AGMO: variants seen among roughly 807,000 people sequenced by gnomAD.
AGMO encodes glyceryl-ether monooxygenase.
Under a neutral mutation model 60.2 loss-of-function variants are expected in AGMO, and 75 were observed. The observed-to-expected ratio is 1.25, with a 90% CI of 1.03 to 1.51. The LOEUF is 1.51. AGMO is among the 40% of genes most tolerant of loss of function. The pLI is 0.00. For synonymous variants in AGMO, 261 were observed against 177.1 expected, an observed-to-expected ratio of 1.47 and a Z score of -3.76; for missense variants, 763 against 525.5, an observed-to-expected ratio of 1.45 and a Z score of -4.42.
intron 12 of AGMO, among the ~76,000 whole-genome samples, chr7:15,303,364 A>G (rs892618889): frequency 1.6e-4 from 25 of 152,150 alleles, no homozygotes; most frequent in Non-Finnish European, 2.5e-4. Flanking sequence ...CTTTTTTAAC[A>G]TAGAAAAATA....
chr7:15,393,306 T>TA (rs1464577728), intron 6 of AGMO, among the ~76,000 whole-genome samples: 1 of 152,200 alleles, frequency 6.6e-6, no homozygotes, highest in Non-Finnish European at 1.5e-5. Context: ...ACTGGAAACT[T>TA]ATAGAAACAG....
intron 12 of AGMO, among the ~76,000 whole-genome samples, chr7:15,309,298 A>G (rs948201416): frequency 2.0e-5 from 3 of 152,150 alleles, no homozygotes; most frequent in African/African-American, 7.2e-5. Context: ...CCATAGGAGT[A>G]CATCTCCAAA....
intron 5 of AGMO, among the ~76,000 whole-genome samples, chr7:15,397,991 T>G (rs2128488676): frequency 6.6e-6 from 1 of 152,320 alleles, no homozygotes; most frequent in African/African-American, 2.4e-5. Context: ...TGGGGGATCC[T>G]CAGCAGTCAG....
chr7:15,362,758 C>T (rs1243841528), intron 12 of AGMO, among the ~76,000 whole-genome samples: 2 of 152,168 alleles, frequency 1.3e-5, no homozygotes, highest in Non-Finnish European at 1.5e-5. Flanking sequence ...ATTATTCAAA[C>T]CACGTGTCTT....
intron 12 of AGMO, among the ~76,000 whole-genome samples, chr7:15,321,416 T>C (rs562519323): frequency 2.0e-5 from 3 of 152,252 alleles, no homozygotes; most frequent in South Asian, 2.1e-4. Flanking sequence ...ATAGTGAGAA[T>C]CTGTTGGTGG....
the AGMO span, among the ~76,000 whole-genome samples, chr7:15,155,453 T>C: frequency 8.4e-6 from 1 of 119,610 alleles, no homozygotes; most frequent in African/African-American, 2.8e-5. Context: ...TTTTTTTGCA[T>C]TCTGAAATTC....
chr7:15,135,387 A>T, the AGMO span, among the ~76,000 whole-genome samples: 4,233 of 152,224 alleles, frequency 0.028, 78 homozygotes, highest in Non-Finnish European at 0.041. Flanking sequence ...TCACCTCTCA[A>T]ATTAGCATCC....
chr7:15,235,770 T>G (rs1237976679), intron 12 of AGMO, among the ~76,000 whole-genome samples: 1 of 152,182 alleles, frequency 6.6e-6, no homozygotes, highest in Non-Finnish European at 1.5e-5. Context: ...TAACTCTCTT[T>G]GGATAGAAGA....
intron 3 of AGMO, among the ~76,000 whole-genome samples, chr7:15,517,833 C>T (rs1583636946): frequency 6.6e-6 from 1 of 152,134 alleles, no homozygotes; most frequent in Non-Finnish European, 1.5e-5. Context: ...CTGCTCACTT[C>T]CCTGGAAAGG....
chr7:15,233,349 C>T (rs1442041397), intron 12 of AGMO, among the ~76,000 whole-genome samples: 1 of 152,144 alleles, frequency 6.6e-6, no homozygotes, highest in Non-Finnish European at 1.5e-5. Flanking sequence ...ACACTCACTT[C>T]CTGGAGTCAC....
the AGMO span, among the ~76,000 whole-genome samples, chr7:15,167,736 G>A: frequency 6.6e-6 from 1 of 152,078 alleles, no homozygotes; most frequent in Non-Finnish European, 1.5e-5. Context: ...TCAGTGCTTT[G>A]GCATCATCAA....
the AGMO span, among the ~76,000 whole-genome samples, chr7:15,149,331 C>A: frequency 1.3e-5 from 2 of 152,060 alleles, no homozygotes; most frequent in South Asian, 2.1e-4. Flanking sequence ...TTAGGCCCCA[C>A]TTATCTATTT....
chr7:15,178,626 T>A, the AGMO span, among the ~76,000 whole-genome samples: 3 of 152,280 alleles, frequency 2.0e-5, no homozygotes, highest in Admixed American at 2.0e-4. Context: ...TGGCTGTATG[T>A]ACTTGGTACA....
chr7:15,171,564 A>G, the AGMO span, among the ~76,000 whole-genome samples: 1 of 152,200 alleles, frequency 6.6e-6, no homozygotes, highest in Non-Finnish European at 1.5e-5. Flanking sequence ...ATTATTCTGC[A>G]TGGGGGAATT....
chr7:15,312,145 C>G (rs2128532474), intron 12 of AGMO, among the ~76,000 whole-genome samples: 1 of 151,966 alleles, frequency 6.6e-6, no homozygotes, highest in East Asian at 1.9e-4. Context: ...GAAAGTCTAA[C>G]AAACATGTAA....
chr7:15,557,174 CACA>C (rs767466179), intron 2 of AGMO, among the ~76,000 whole-genome samples: 6 of 152,000 alleles, frequency 3.9e-5, no homozygotes, highest in Non-Finnish European at 7.4e-5. Context: ...AAAGTCTGCA[CACA>C]ACATTTCTAT....
At chr7:15,349,315 A>C (rs1191211850) in intron 12 of AGMO, among the ~76,000 whole-genome samples, 2 of 152,166 alleles carry the variant, frequency 1.3e-5, no homozygotes, top group African/African-American at 4.8e-5. Context: ...ATTTTAACTT[A>C]TCTGGAACCA....
the AGMO span, among the ~76,000 whole-genome samples, chr7:15,117,700 TTA>T: frequency 1.3e-5 from 2 of 151,930 alleles, no homozygotes; most frequent in Non-Finnish European, 2.9e-5. Context: ...TTGAAGAAAA[TTA>T]TAGATAGAAA....
intron 10 of AGMO, among the ~76,000 whole-genome samples, chr7:15,377,643 G>A (rs944191765): frequency 6.6e-6 from 1 of 151,942 alleles, no homozygotes. Context: ...TCAACAATGC[G>A]AACTGTACTC....
Sources: allele counts gnomAD v4.1 joint callset (sites outside exome capture counted in the v4.1 genomes callset), GRCh38; gene constraint gnomAD v4.1.1; transcripts MANE v1.5; gene names NCBI Gene and HGNC (gene_info 2026-07-23, HGNC 2026-07-21).